Variants in CACNA2D3 observed in about 807,000 individuals in gnomAD.
CACNA2D3 encodes the protein voltage-dependent calcium channel subunit alpha-2/delta-3.
Under a neutral mutation model 160.6 loss-of-function variants are expected in CACNA2D3, and 60 were observed. The ratio of observed to expected loss-of-function variants is 0.37; its 90% CI spans 0.30 to 0.46. CACNA2D3 has a LOEUF of 0.46. Ranked by LOEUF, CACNA2D3 falls within the 20% of genes least tolerant of loss-of-function variation. CACNA2D3 has a pLI of 1.00. For synonymous variants in CACNA2D3, 558 were observed against 492.9 expected, an observed-to-expected ratio of 1.13 and a Z score of -1.75; for missense variants, 1,205 against 1,365.0, an observed-to-expected ratio of 0.88 and a Z score of 1.85.
At position 54,364,595 on chromosome 3, in the gene CACNA2D3, CA is replaced by C. The variant is rs549451363; in HGVS notation, c.322-22114del. 5.8e-3 allele frequency among the ~76,000 whole-genome samples: 889 copies of C among 152,136 alleles called. 11 individuals are homozygous for C. Among genetic ancestry groups the C allele is most frequent in the African/African-American group, 0.02 (843 of 41,520 alleles). ...TCCTTCAGCCTAAAAAAATTGTGAA[CA>C]AAAAAGGATGGCAAATGGAAGAAAG... On this transcript the variant is annotated intron_variant, in intron 3 of 37. Coordinates refer to ENST00000474759, the MANE Select transcript of CACNA2D3 (RefSeq NM_018398.3).
In CACNA2D3 at chr3:54,171,469, T is replaced by A. The variant is rs1700568604; in HGVS notation, c.204+47875T>A. 2.0e-5 allele frequency among the ~76,000 whole-genome samples: 3 copies of A among 152,264 alleles called. No individual in the cohort carries two copies. In the South Asian group the frequency reaches 6.2e-4, roughly 32 times the overall value. On this transcript the variant is annotated intron_variant, in intron 2 of 37. Transcript: ENST00000474759. Reference sequence around the variant, plus strand: ...TCACTGTCACTGAGGAAGGGCATGTTGTTTATAAACACCCAGATTCCAGAT... The same window carrying A: ...TCACTGTCACTGAGGAAGGGCATGTAGTTTATAAACACCCAGATTCCAGAT...
At position 54,320,599 on chromosome 3, in the gene CACNA2D3, C is replaced by G. The variant is rs528973783; in HGVS notation, c.321+41C>G. On this transcript the variant is annotated intron_variant, in intron 3 of 37. Transcript: ENST00000474759. ...TTGTGCCCTGTATCGCCTGAAGGCACAAAGGCAGCTTCAGGGGATGGCATT... is the reference window on the plus strand; with the variant it reads ...TTGTGCCCTGTATCGCCTGAAGGCAGAAAGGCAGCTTCAGGGGATGGCATT... The G allele has an allele frequency of 9.0e-5, 99 of 1,100,736 alleles. 1 individual carries two copies. The Middle Eastern group carries it at 5.9e-3, about 65-fold the overall frequency. 68.2% of individuals were successfully genotyped at this position (1,100,736 alleles called of 1,614,324 possible).
intron 4 of CACNA2D3, among the ~76,000 whole-genome samples, chr3:54,501,080 A>G (rs1701287047): frequency 6.6e-6 from 1 of 152,278 alleles, no homozygotes; most frequent in South Asian, 2.1e-4. Context: ...AAAAAGGGAC[A>G]GACTTTCTCT....
chr3:54,704,026 G>A (rs1490732143), intron 11 of CACNA2D3, among the ~76,000 whole-genome samples: 1 of 152,208 alleles, frequency 6.6e-6, no homozygotes, highest in African/African-American at 2.4e-5. Flanking sequence ...TGAAAAGCAA[G>A]TGGTTTTTCT....
chr3:54,206,704 A>G (rs36117373), intron 2 of CACNA2D3, among the ~76,000 whole-genome samples: 50 of 152,312 alleles, frequency 3.3e-4, no homozygotes, highest in Admixed American at 1.5e-3. Context: ...TATACCAGTA[A>G]GCTTGGGGTT....
chr3:54,633,982 G>C (rs1032185564), intron 10 of CACNA2D3, among the ~76,000 whole-genome samples: 1 of 152,126 alleles, frequency 6.6e-6, no homozygotes, highest in Non-Finnish European at 1.5e-5. Context: ...CTGTGTCTCA[G>C]TATGGCCATA....
chr3:54,126,262 A>C (rs138182551), intron 2 of CACNA2D3, among the ~76,000 whole-genome samples: 12 of 152,348 alleles, frequency 7.9e-5, no homozygotes, highest in African/African-American at 2.9e-4. Flanking sequence ...ATATAAGTTA[A>C]ATAATAATTG....
chr3:54,163,129 C>T (rs1382918502), intron 2 of CACNA2D3, among the ~76,000 whole-genome samples: 4 of 152,150 alleles, frequency 2.6e-5, no homozygotes, highest in Non-Finnish European at 4.4e-5. Flanking sequence ...GGAGAAGCAT[C>T]AAGGGGTCAG....
intron 35 of CACNA2D3, among the ~76,000 whole-genome samples, chr3:55,042,949 A>G (rs1337001675): frequency 1.3e-5 from 2 of 152,196 alleles, no homozygotes; most frequent in African/African-American, 4.8e-5. Context: ...AGATTTATTC[A>G]TATTACTGCT....
At chr3:54,581,639 C>T (rs986810226) in intron 8 of CACNA2D3, among the ~76,000 whole-genome samples, 164 bp from the exon 9 acceptor site, 1 of 152,246 alleles carries the variant, frequency 6.6e-6, no homozygotes, top group African/African-American at 2.4e-5. Flanking sequence ...AGCACATAAT[C>T]ATAGTTGTCT....
At chr3:54,284,147 A>G (rs1397268479) in intron 2 of CACNA2D3, among the ~76,000 whole-genome samples, 1 of 152,244 alleles carries the variant, frequency 6.6e-6, no homozygotes, top group African/African-American at 2.4e-5. Flanking sequence ...TTAAATGGTT[A>G]AAATATTTAA....
chr3:54,323,973 A>G (rs1042522035), intron 3 of CACNA2D3, among the ~76,000 whole-genome samples: 1 of 152,068 alleles, frequency 6.6e-6, no homozygotes, highest in Middle Eastern at 3.2e-3. Flanking sequence ...TGTAAGAGAA[A>G]CCTGGTTCAC....
Position 54,401,934 on chromosome 3 carries a change from C to T in CACNA2D3, c.381+15160C>T, listed in dbSNP as rs765128222. ...AAACAGTCAAAAATAATGATAGCTA[C>T]CATTAATTAAGAAATGCTTAATATA... is the stretch of plus-strand genomic sequence containing the variant. On this transcript the variant is annotated intron_variant, in intron 4 of 37. Transcript: ENST00000474759. 9.9e-5 allele frequency among the ~76,000 whole-genome samples: 15 copies of T among 151,936 alleles called. 1 individual carries two copies. The highest frequency in any genetic ancestry group is 1.5e-4 in the Non-Finnish European group (10 of 67,982).
chr3:55,005,351 TATGA>T (rs1703072327), intron 32 of CACNA2D3, among the ~76,000 whole-genome samples: 1 of 152,164 alleles, frequency 6.6e-6, no homozygotes, highest in African/African-American at 2.4e-5. Flanking sequence ...CCAGTAATTA[TATGA>T]ATGAGAAATG....
chr3:54,185,837 C>G (rs367852258), intron 2 of CACNA2D3, among the ~76,000 whole-genome samples: 1 of 152,228 alleles, frequency 6.6e-6, no homozygotes, highest in African/African-American at 2.4e-5. Flanking sequence ...GTCTGCTGAT[C>G]ACACTGCTGC....
At chr3:54,953,780 G>A (rs1027647003) in intron 27 of CACNA2D3, among the ~76,000 whole-genome samples, 5 of 152,148 alleles carry the variant, frequency 3.3e-5, no homozygotes, top group South Asian at 4.1e-4. Context: ...ATCACTGGGA[G>A]TGGGTGAGGG....
chr3:54,164,652 C>T (rs1404395591), intron 2 of CACNA2D3, among the ~76,000 whole-genome samples: 1 of 152,108 alleles, frequency 6.6e-6, no homozygotes, highest in Non-Finnish European at 1.5e-5. Context: ...TTGCTGCATC[C>T]CTTAGAGACC....
intron 4 of CACNA2D3, among the ~76,000 whole-genome samples, chr3:54,483,695 T>A (rs923763704): frequency 2.2e-4 from 33 of 152,248 alleles, no homozygotes; most frequent in African/African-American, 8.0e-4. Context: ...TCACCATCTT[T>A]CACCTTGTTT....
intron 9 of CACNA2D3, among the ~76,000 whole-genome samples, chr3:54,620,639 C>T (rs1698964116): frequency 1.3e-5 from 2 of 152,216 alleles, no homozygotes; most frequent in African/African-American, 4.8e-5. Context: ...GTCACATCCC[C>T]TGGAAACCAG....
Sources: gnomAD v4.1 joint callset for allele counts (sites outside exome capture counted in the v4.1 genomes callset) on GRCh38, gnomAD v4.1.1 for gene constraint, MANE v1.5 for transcripts, NCBI Gene and HGNC (gene_info 2026-07-23, HGNC 2026-07-21) for gene names.